Variants in ZNF45 observed in about 807,000 individuals in gnomAD.
ZNF45 encodes zinc finger protein 45, also known as BRC1744.
ZNF45 carries 4 observed loss-of-function variants against 12.0 expected under a neutral mutation model. That is an observed-to-expected ratio of 0.33 (90% confidence interval 0.16 to 0.76). The LOEUF (loss-of-function observed/expected upper bound fraction) is 0.76. ZNF45 is among the 30% of genes least tolerant of loss of function. The pLI is 0.60. For missense variants in ZNF45, 700 were observed against 813.0 expected, an observed-to-expected ratio of 0.86 and a Z score of 1.69; for synonymous variants, 272 against 279.6, an observed-to-expected ratio of 0.97 and a Z score of 0.27.
At chr19:43,928,830 A>G (rs557547999) in intron 3 of ZNF45, among the ~76,000 whole-genome samples, 1 of 152,336 alleles carries the variant, frequency 6.6e-6, no homozygotes, top group South Asian at 2.1e-4. Flanking sequence ...TGCTCCTAAC[A>G]TTAACCACGA....
chr19:43,913,794 T>G lies in ZNF45; in HGVS notation c.1642A>C (p.Arg548=). The G allele has an allele frequency of 1.2e-6, 2 of 1,613,222 alleles. No individual in the cohort carries two copies. Among genetic ancestry groups the G allele is most frequent in the Non-Finnish European group, 1.7e-6 (2 of 1,179,752 alleles). Residue 548 remains arginine (R), a synonymous_variant, in exon 10 of 10, where the codon AGG becomes CGG. Transcript: ENST00000269973. The part of the protein sequence containing the change: ...SVGSQLQAHQ[R]CHTGEKPYQC... ...TAGGGTTTCTCTCCAGTGTGGCACC[T>G]CTGATGGGCTTGAAGCTGTGAACCT...
chr19:43,932,526 C>T (rs1042150165), intron 3 of ZNF45, 78 bp downstream of exon 3: 6 of 152,166 alleles, frequency 3.9e-5, no homozygotes, highest in African/African-American at 7.2e-5. Flanking sequence ...GTGGATAATC[C>T]TTCTATTTTG....
At chr19:43,916,272 AC>A (rs1170058347) in intron 9 of ZNF45, among the ~76,000 whole-genome samples, 1 of 151,444 alleles carries the variant, frequency 6.6e-6, no homozygotes, top group Non-Finnish European at 1.5e-5. Flanking sequence ...ACACCATCAC[AC>A]CTGGCTAATT....
chr19:43,926,209 G>C (rs1973662342), intron 3 of ZNF45: 1 of 152,214 alleles, frequency 6.6e-6, no homozygotes, highest in African/African-American at 2.4e-5. Flanking sequence ...AGACTAGTTG[G>C]TCTAAGTCTC....
intron 3 of ZNF45, among the ~76,000 whole-genome samples, chr19:43,927,199 C>T (rs778646379): frequency 1.3e-5 from 2 of 152,192 alleles, no homozygotes; most frequent in Non-Finnish European, 2.9e-5. Context: ...CCTTATTCCT[C>T]TCTAACATCC....
chr19:43,930,703 A>T (rs1163779765), intron 3 of ZNF45, among the ~76,000 whole-genome samples: 1 of 152,172 alleles, frequency 6.6e-6, no homozygotes, highest in Non-Finnish European at 1.5e-5. Context: ...TCAGAATGAA[A>T]GGGGAGGCTT....
chr19:43,913,930 G>GC lies in ZNF45; in HGVS notation c.1505dup (p.Cys502TrpfsTer6). The GC allele has an allele frequency of 6.3e-7, 1 of 1,598,728 alleles. No individual in the cohort carries two copies. ...GACTGAAGGCCTTACCACACCTCTCGCATTTATAGGGTTTCTCTCCTGTGT... is the reference window on the plus strand; with the variant it reads ...GACTGAAGGCCTTACCACACCTCTCGCCATTTATAGGGTTTCTCTCCTGTGT... On this transcript the variant is annotated frameshift_variant, in exon 10 of 10. Transcript: ENST00000269973. LOFTEE classifies it low-confidence loss of function (END_TRUNC).
In ZNF45 at chr19:43,913,562, G is replaced by C; in HGVS notation, c.1874C>G (p.Ser625Ter). Residue 625 changes from serine to a stop codon, truncating the protein, a stop_gained, in exon 10 of 10, where the codon TCA (serine) becomes TGA (stop). Transcript: ENST00000269973. LOFTEE classifies it low-confidence loss of function (END_TRUNC). ...EECGKVFSWS[S>*]YLQAHQRVHT... ...AACTCTTTGATGGGCTTGAAGGTAT[G>C]AGCTCCAGCTGAAGACTTTCCCACA... 1 of 1,613,720 alleles carries C rather than the reference G, an allele frequency of 6.2e-7. No homozygotes were observed. The highest frequency in any genetic ancestry group is 1.1e-5 in the South Asian group (1 of 91,044).
In ZNF45 at chr19:43,914,619, C is replaced by T. The variant is rs866004458; in HGVS notation, c.817G>A (p.Glu273Lys). The T allele has an allele frequency of 3.7e-6, 6 of 1,613,582 alleles. No individual in the cohort carries two copies. In the African/African-American group the frequency reaches 8.0e-5, roughly 22 times the overall value. ...CQAPLIVHTG[E>K]KPYKCEECGV... ...CACTCCTCACATTTATAGGGTTTCT[C>T]TCCCGTATGAACTATCAGAGGAGCT... The change falls in exon 10 of 10, where the codon GAG (glutamate) becomes AAG (lysine). Residue 273 changes from glutamate (E) to lysine (K), a missense_variant. Physicochemically the swap from Glu to Lys is moderately conservative, Grantham distance 56 (BLOSUM62 1). Transcript: ENST00000269973.
intron 3 of ZNF45, among the ~76,000 whole-genome samples, chr19:43,930,817 G>C (rs192005497): frequency 6.6e-6 from 1 of 152,226 alleles, no homozygotes; most frequent in East Asian, 1.9e-4. Context: ...TGAAGCAAGT[G>C]AACTTAATTT....
At chr19:43,927,588 G>T (rs1406633800) in intron 3 of ZNF45, among the ~76,000 whole-genome samples, 1 of 152,004 alleles carries the variant, frequency 6.6e-6, no homozygotes, top group African/African-American at 2.4e-5. Flanking sequence ...AATAGGGCAG[G>T]GTAAAGAAAT....
At position 43,914,195 on chromosome 19, in the gene ZNF45, T is replaced by A. The variant is rs766281718; in HGVS notation, c.1241A>T (p.Lys414Ile). ...ACCACATGCATCACACTGATACGGT[T>A]TCTCTCCAGTATGGCCTCTTTGATG... ...LDHQRGHTGE[K>I]PYQCDACGKG... Residue 414 changes from lysine (K) to isoleucine (I), a missense_variant, in exon 10 of 10, where the codon AAA (lysine) becomes ATA (isoleucine). Physicochemically the swap from Lys to Ile is moderately radical, Grantham distance 102. Coordinates refer to ENST00000269973, the MANE Select transcript of ZNF45 (RefSeq NM_003425.4). 5 of 1,606,424 alleles carry A rather than the reference T, an allele frequency of 3.1e-6. No individual in the cohort carries two copies. Among genetic ancestry groups the A allele is most frequent in the Non-Finnish European group, 3.4e-6 (4 of 1,174,512 alleles).
chr19:43,933,838 G>GTGCATCTCTA (rs1019039370), intron 2 of ZNF45, among the ~76,000 whole-genome samples: 1 of 152,022 alleles, frequency 6.6e-6, no homozygotes, highest in African/African-American at 2.4e-5. Flanking sequence ...TACAGAGAAC[G>GTGCATCTCTA]TGCATCTCTA....
chr19:43,918,023 T>C (rs1284076612), intron 9 of ZNF45, among the ~76,000 whole-genome samples: 1 of 152,220 alleles, frequency 6.6e-6, no homozygotes, highest in East Asian at 1.9e-4. Flanking sequence ...AATAAAGGCA[T>C]TGCCATACAT....
intron 8 of ZNF45, 104 bp downstream of exon 8, chr19:43,919,468 AT>A (rs1227308248): frequency 1.5e-6 from 2 of 1,365,276 alleles, no homozygotes. Flanking sequence ...ATGATGGATG[AT>A]TAGAAAACTG....
At chr19:43,933,734 C>G (rs1974312321) in intron 2 of ZNF45, among the ~76,000 whole-genome samples, 1 of 152,100 alleles carries the variant, frequency 6.6e-6, no homozygotes, top group Non-Finnish European at 1.5e-5. Context: ...TTAAAAACTG[C>G]TAAACAGAAA....
chr19:43,914,289 T>C lies in ZNF45; in HGVS notation c.1147A>G (p.Thr383Ala), dbSNP rs775032005. Residue 383 changes from threonine to alanine, a missense_variant, in exon 10 of 10, where the codon ACT (threonine) becomes GCT (alanine). Transcript: ENST00000269973. The stretch of plus-strand genomic sequence containing the variant: ...TCACATTTGTATGGCTTCTCTCCAG[T>C]GTGGCTTATCTGATGGGCCTGAAGG... ...SHLQAHQISHTGEKPYKCEEC... is the reference protein window; with the variant it reads ...SHLQAHQISHAGEKPYKCEEC... 2 of 1,613,136 alleles carry C rather than the reference T, an allele frequency of 1.2e-6. No individual in the cohort carries two copies. The highest frequency in any genetic ancestry group is 1.7e-6 in the Non-Finnish European group (2 of 1,179,474).
At chr19:43,929,760 T>C (rs2147174370) in intron 3 of ZNF45, among the ~76,000 whole-genome samples, 1 of 152,320 alleles carries the variant, frequency 6.6e-6, no homozygotes, top group East Asian at 1.9e-4. Flanking sequence ...TGTAGAATTA[T>C]CCAAATGGTC....
intron 2 of ZNF45, among the ~76,000 whole-genome samples, chr19:43,934,198 G>A (rs1024304897): frequency 1.3e-5 from 2 of 152,126 alleles, no homozygotes; most frequent in Non-Finnish European, 2.9e-5. Flanking sequence ...TATAATTGGT[G>A]TAATAACAGT....
Sources: allele counts gnomAD v4.1 joint callset (sites outside exome capture counted in the v4.1 genomes callset), GRCh38; gene constraint gnomAD v4.1.1; transcripts MANE v1.5; gene names NCBI Gene and HGNC (gene_info 2026-07-23, HGNC 2026-07-21).